NOP14: variants seen among roughly 807,000 people sequenced by gnomAD.
The protein encoded by NOP14 is NOP14 nucleolar protein.
Under a neutral mutation model 101.6 loss-of-function variants are expected in NOP14, and 57 were observed. The ratio of observed to expected loss-of-function variants is 0.56; its 90% CI spans 0.45 to 0.70. The LOEUF is 0.70. Ranked by LOEUF, NOP14 falls within the 30% of genes least tolerant of loss-of-function variation. NOP14 has a pLI of 0.00. For missense variants in NOP14, 1,134 were observed against 1,075.5 expected (o/e 1.05, Z -0.76); for synonymous variants, 428 against 424.0 (o/e 1.01, Z -0.12).
At chr4:2,950,889 T>C (rs72613120) in intron 7 of NOP14, 1 of 260,810 alleles carries the variant, frequency 3.8e-6, no homozygotes, top group African/African-American at 2.6e-5. Flanking sequence ...AGAGAGAGAG[T>C]GAGAAAGAGA....
At chr4:2,956,640 A>C in intron 3 of NOP14, 30 bp downstream of exon 3, 1 of 1,591,366 alleles carries the variant, frequency 6.3e-7, no homozygotes, top group Non-Finnish European at 8.5e-7. Context: ...CTCCACGCCC[A>C]CAGGCCCGTG....
intron 6 of NOP14, among the ~76,000 whole-genome samples, chr4:2,951,765 A>G (rs1200287306): frequency 6.6e-6 from 1 of 152,186 alleles, no homozygotes; most frequent in East Asian, 1.9e-4. Flanking sequence ...GGAGTTTGAG[A>G]ACAGCCTAGG....
Position 2,963,282 on chromosome 4 carries a change from G to T in NOP14, c.38C>A (p.Ala13Asp), listed in dbSNP as rs1360647436. ...KAKKVGARRK[A>D]SGAPAGARGG... Reference sequence around the variant, plus strand: ...TCGCGCTCCCGCCGGCGCCCCGGAGGCCTTCCTTCGCGCCCCGACCTTCTT... The same window carrying T: ...TCGCGCTCCCGCCGGCGCCCCGGAGTCCTTCCTTCGCGCCCCGACCTTCTT... Residue 13 changes from alanine to aspartate, a missense_variant, in exon 1 of 18, where the codon GCC becomes GAC. Physicochemically the swap from Ala to Asp is moderately radical, Grantham distance 126. Transcript: ENST00000416614. 50 of 1,592,636 alleles carry T rather than the reference G, an allele frequency of 3.1e-5. No individual in the cohort carries two copies. In the Admixed American group the frequency reaches 7.5e-4, roughly 24 times the overall value.
chr4:2,938,230 T>TA lies in NOP14; in HGVS notation c.*600dup. The TA allele has an allele frequency of 5.4e-6, 7 of 1,288,374 alleles. No homozygotes were observed. Among genetic ancestry groups the TA allele is most frequent in the South Asian group, 1.2e-5 (1 of 80,922 alleles). The allele number at this position is 1,288,374 out of a possible 1,614,324, so 79.8% of individuals were successfully genotyped here. A position where few individuals can be genotyped will look rare whatever the true frequency, so the allele number is the denominator to read the frequency against. ...CACCAACATTATAGCATTATTACTCTAAAAAAAATTACTTTTTTGGCTGGG... is the reference window on the plus strand; with the variant it reads ...CACCAACATTATAGCATTATTACTCTAAAAAAAAATTACTTTTTTGGCTGGG... On this transcript the variant is annotated 3_prime_UTR_variant, in exon 18 of 18. Transcript: ENST00000416614.
chr4:2,959,978 T>C (rs1715617735), intron 1 of NOP14, among the ~76,000 whole-genome samples: 2 of 152,020 alleles, frequency 1.3e-5, no homozygotes, highest in African/African-American at 4.8e-5. Context: ...GACCTTTTTT[T>C]TTTTTTTTAA....
At chr4:2,962,564 A>G (rs1259044744) in intron 1 of NOP14, among the ~76,000 whole-genome samples, 1 of 152,174 alleles carries the variant, frequency 6.6e-6, no homozygotes, top group Non-Finnish European at 1.5e-5. Context: ...ATGCATGCCC[A>G]GCCCTTACCA....
intron 5 of NOP14, 44 bp downstream of exon 5, chr4:2,953,467 C>T (rs956482015): frequency 4.4e-6 from 7 of 1,608,520 alleles, no homozygotes; most frequent in Non-Finnish European, 5.9e-6. Context: ...GTCGGTCACC[C>T]AAGCTCAGTG....
chr4:2,950,245 G>C (rs1714932916), intron 7 of NOP14, 32 bp from the exon 8 acceptor site: 1 of 1,608,528 alleles, frequency 6.2e-7, no homozygotes, highest in East Asian at 2.2e-5. Context: ...CAGGGCATGA[G>C]GACAGGCGGA....
At chr4:2,942,977 C>A (rs1714331159) in intron 13 of NOP14, among the ~76,000 whole-genome samples, 1 of 152,194 alleles carries the variant, frequency 6.6e-6, no homozygotes, top group African/African-American at 2.4e-5. Context: ...TGGGTCAGGC[C>A]CCGCCCCACA....
At chr4:2,945,076 G>A (rs992040040) in intron 12 of NOP14, 52 bp downstream of exon 12, 27 of 1,330,760 alleles carry the variant, frequency 2.0e-5, no homozygotes, top group South Asian at 8.8e-5. Context: ...CTGTGGCTCC[G>A]GCCACCCGTG....
chr4:2,962,676 TA>T (rs912461618), intron 1 of NOP14, among the ~76,000 whole-genome samples: 1 of 151,092 alleles, frequency 6.6e-6, no homozygotes, highest in Admixed American at 6.6e-5. Flanking sequence ...AAAAAAAAGT[TA>T]AAAAAACTAG....
In NOP14 at chr4:2,938,183, G is replaced by C. The variant is rs559786257; in HGVS notation, c.*648C>G. On this transcript the variant is annotated 3_prime_UTR_variant, in exon 18 of 18. Transcript: ENST00000416614. ...AAACAAAACCGCAGGCAGCGGGTGG[G>C]GGGAGCTGGAGGTTGGAATCACACC... 1 of 1,286,710 alleles carries C rather than the reference G, an allele frequency of 7.8e-7. No individual in the cohort carries two copies. The highest frequency in any genetic ancestry group is 5.6e-5 in the East Asian group (1 of 17,962). 79.7% of individuals were successfully genotyped at this position (1,286,710 alleles called of 1,614,324 possible). A position where few individuals can be genotyped will look rare whatever the true frequency, so the allele number is the denominator to read the frequency against.
chr4:2,945,365 C>A, intron 11 of NOP14, 136 bp from the exon 12 acceptor site: 2 of 660,780 alleles, frequency 3.0e-6, no homozygotes, highest in Non-Finnish European at 5.3e-6. Context: ...GCTCTGGCCT[C>A]AGTGTCACAG....
In NOP14 at chr4:2,939,337, C is replaced by G; in HGVS notation, c.2325G>C (p.Glu775Asp). 1 of 1,614,066 alleles carries G rather than the reference C, an allele frequency of 6.2e-7. No individual in the cohort carries two copies. The highest frequency in any genetic ancestry group is 2.2e-5 in the East Asian group (1 of 44,888). The stretch of plus-strand genomic sequence containing the variant: ...TACTACTGCCTTGTTTTCTTCCAAA[C>G]TCGAGGCTACAACCAGAAAGCCACT... ...LFTPRLVKVL[E>D]FGRKQGSSKE... Residue 775 changes from glutamate (E) to aspartate (D), a missense_variant, in exon 17 of 18, where the codon GAG (glutamate) becomes GAC (aspartate). By Grantham distance (45) the Glu-to-Asp change is conservative. Coordinates refer to ENST00000416614, the MANE Select transcript of NOP14 (RefSeq NM_001291978.2).
intron 1 of NOP14, 45 bp downstream of exon 1, chr4:2,963,080 G>A (rs1316191257): frequency 6.8e-7 from 1 of 1,461,990 alleles, no homozygotes; most frequent in South Asian, 1.4e-5. Flanking sequence ...GAGCAGCGTG[G>A]GGTCCAGATC....
chr4:2,954,641 T>G, intron 3 of NOP14, 78 bp from the exon 4 acceptor site: 2 of 1,532,472 alleles, frequency 1.3e-6, no homozygotes, highest in Admixed American at 2.0e-5. Context: ...ACTCTGCCAG[T>G]GCTTCCCCCA....
In NOP14 at chr4:2,951,339, A is replaced by G. The variant is rs528331452; in HGVS notation, c.871-94T>C. Reference sequence around the variant, plus strand: ...CTGCCCTGGGCAGCGGGCTGGGCCTACGGTCCTCCCAGCTCTGAGGCTGGT... The same window carrying G: ...CTGCCCTGGGCAGCGGGCTGGGCCTGCGGTCCTCCCAGCTCTGAGGCTGGT... On this transcript the variant is annotated intron_variant, in intron 6 of 17. Transcript: ENST00000416614. The G allele has an allele frequency of 1.6e-5, 18 of 1,160,948 alleles. No individual in the cohort carries two copies. The East Asian group carries it at 2.6e-4, about 17-fold the overall frequency. 71.9% of individuals were successfully genotyped at this position (1,160,948 alleles called of 1,614,324 possible). A position where few individuals can be genotyped will look rare whatever the true frequency, so the allele number is the denominator to read the frequency against.
chr4:2,950,090 G>A lies in NOP14; in HGVS notation c.1126C>T (p.Pro376Ser). ...GATTCCAGGTCCAAGTGGCTATCTG[G>A]GCTGTCGCTCTCCTCTGTGTCCTCC... ...GGEDTEESDS[P>S]DSHLDLESNV... Residue 376 changes from proline to serine, a missense_variant, in exon 8 of 18, where the codon CCA (proline) becomes TCA (serine). Physicochemically the swap from Pro to Ser is moderately conservative, Grantham distance 74 (BLOSUM62 -1). Coordinates refer to ENST00000416614, the MANE Select transcript of NOP14 (RefSeq NM_001291978.2). 6.2e-7 allele frequency: 1 copy of A among 1,613,990 alleles called. No homozygotes were observed. Among genetic ancestry groups the A allele is most frequent in the African/African-American group, 1.3e-5 (1 of 74,986 alleles).
intron 5 of NOP14, among the ~76,000 whole-genome samples, 168 bp downstream of exon 5, chr4:2,953,343 C>T: frequency 6.6e-6 from 1 of 152,198 alleles, no homozygotes; most frequent in East Asian, 1.9e-4. Flanking sequence ...ACTGAATCTA[C>T]TTCCACCCCA....
Sources: allele counts gnomAD v4.1 joint callset (sites outside exome capture counted in the v4.1 genomes callset), GRCh38; gene constraint gnomAD v4.1.1; transcripts MANE v1.5; gene names NCBI Gene and HGNC (gene_info 2026-07-23, HGNC 2026-07-21).